The following TFPI variants were observed in gnomAD, a reference collection of about 807,000 sequenced individuals.
TFPI encodes the protein anti-convertin.
In TFPI, 15 loss-of-function variants were observed where a neutral mutation model predicts 34.6. That is an observed-to-expected ratio of 0.43 (90% CI 0.29 to 0.67). The LOEUF is 0.67. Ranked by LOEUF, TFPI falls within the 30% of genes least tolerant of loss-of-function variation. TFPI has a pLI of 0.15. For synonymous variants in TFPI, 105 were observed against 120.1 expected (o/e 0.87, Z 0.82); for missense variants, 301 against 364.0 (o/e 0.83, Z 1.41).
At chr2:187,495,632 A>C (rs754856409) in intron 3 of TFPI, among the ~76,000 whole-genome samples, 11 of 152,202 alleles carry the variant, frequency 7.2e-5, no homozygotes, top group Non-Finnish European at 4.4e-5. Context: ...AGAGGAGAGA[A>C]GTTCACTCTT....
intron 3 of TFPI, among the ~76,000 whole-genome samples, chr2:187,490,953 C>G (rs1160160552): frequency 6.6e-6 from 1 of 151,452 alleles, no homozygotes; most frequent in African/African-American, 2.4e-5. Flanking sequence ...AGTCTAGTGC[C>G]AAGTAATGTA....
At chr2:187,501,478 A>G (rs1349661921) in intron 2 of TFPI, among the ~76,000 whole-genome samples, 6 of 151,930 alleles carry the variant, frequency 3.9e-5, no homozygotes, top group African/African-American at 9.7e-5. Flanking sequence ...TAATTAAAGG[A>G]TTTTATTTTA....
At chr2:187,533,274 C>T (rs956730030) in intron 1 of TFPI, among the ~76,000 whole-genome samples, 2 of 152,152 alleles carry the variant, frequency 1.3e-5, no homozygotes, top group African/African-American at 2.4e-5. Context: ...GACTGGGAGA[C>T]ACCTCCCAGC....
At chr2:187,514,115 A>C (rs997247150) in intron 1 of TFPI, 1 of 152,206 alleles carries the variant, frequency 6.6e-6, no homozygotes, top group Non-Finnish European at 1.5e-5. Context: ...GACTTCCCCA[A>C]CCGGTTTTTG....
intron 6 of TFPI, among the ~76,000 whole-genome samples, chr2:187,477,367 G>A (rs1244778763): frequency 6.6e-6 from 1 of 152,178 alleles, no homozygotes; most frequent in African/African-American, 2.4e-5. Context: ...TAGATTATGA[G>A]GGATGTTCCT....
intron 1 of TFPI, among the ~76,000 whole-genome samples, chr2:187,538,995 G>A (rs1033093153): frequency 6.6e-6 from 1 of 152,024 alleles, no homozygotes; most frequent in Middle Eastern, 3.2e-3. Flanking sequence ...AATATATATT[G>A]AAAATTGTCA....
Position 187,504,020 on chromosome 2 carries a change from G to A in TFPI, c.-2-250C>T, listed in dbSNP as rs576882591. 6.6e-5 allele frequency among the ~76,000 whole-genome samples: 10 copies of A among 152,124 alleles called. No individual in the cohort carries two copies. The South Asian group carries it at 2.1e-3, about 32-fold the overall frequency. ...AGCAAACAGGTCATATTTCAACTTTGAAAATATAAATAAAAAGGACAGTAA... is the reference window on the plus strand; with the variant it reads ...AGCAAACAGGTCATATTTCAACTTTAAAAATATAAATAAAAAGGACAGTAA... On this transcript the variant is annotated intron_variant, in intron 1 of 7. Coordinates refer to ENST00000233156, the MANE Select transcript of TFPI (RefSeq NM_006287.6).
At chr2:187,507,362 C>G (rs1232952770) in intron 1 of TFPI, among the ~76,000 whole-genome samples, 1 of 152,012 alleles carries the variant, frequency 6.6e-6, no homozygotes, top group Non-Finnish European at 1.5e-5. Flanking sequence ...AGTGCCGTGA[C>G]AAACGTGTGA....
At chr2:187,540,630 T>A (rs1488751172) in intron 1 of TFPI, among the ~76,000 whole-genome samples, 4 of 152,118 alleles carry the variant, frequency 2.6e-5, no homozygotes, top group Non-Finnish European at 5.9e-5. Context: ...TGGCTCACGC[T>A]TGTAATCCCA....
rs555630815 is a variant in TFPI at position 187,477,325 on chromosome 2, A to G, written c.628+6799T>C. 1.6e-4 allele frequency among the ~76,000 whole-genome samples: 25 copies of G among 152,346 alleles called. 1 individual carries two copies. In the East Asian group the frequency reaches 4.6e-3, roughly 28 times the overall value. On this transcript the variant is annotated intron_variant, in intron 6 of 7. Coordinates refer to ENST00000233156, the MANE Select transcript of TFPI (RefSeq NM_006287.6). ...AGCCAACTTGTCAGAAAATCAGAAT[A>G]TGAGGCTCCAGATTTACTATGCAGG...
chr2:187,479,010 GGA>G (rs2105986000), intron 6 of TFPI, among the ~76,000 whole-genome samples: 1 of 152,010 alleles, frequency 6.6e-6, no homozygotes, highest in South Asian at 2.1e-4. Flanking sequence ...AGAAGCCAGG[GGA>G]GAGAGACAGA....
chr2:187,553,711 T>A (rs1424537660), intron 1 of TFPI, among the ~76,000 whole-genome samples: 2 of 152,172 alleles, frequency 1.3e-5, no homozygotes, highest in East Asian at 3.9e-4. Flanking sequence ...CATAAAATAT[T>A]CCATTTAGAT....
intron 3 of TFPI, among the ~76,000 whole-genome samples, chr2:187,489,236 G>C (rs1039106431): frequency 6.6e-6 from 1 of 151,380 alleles, no homozygotes; most frequent in African/African-American, 2.4e-5. Context: ...TGGGTTATAA[G>C]CCTCTTTCAG....
intron 1 of TFPI, among the ~76,000 whole-genome samples, chr2:187,539,173 T>C (rs1688437623): frequency 6.6e-6 from 1 of 152,134 alleles, no homozygotes; most frequent in South Asian, 2.1e-4. Flanking sequence ...AAGGGGCTGC[T>C]ACTGTGGACA....
At chr2:187,477,303 C>T (rs1047597717) in intron 6 of TFPI, among the ~76,000 whole-genome samples, 3 of 152,056 alleles carry the variant, frequency 2.0e-5, no homozygotes, top group African/African-American at 7.2e-5. Context: ...TTTGGAAAGC[C>T]AACTTGTCAG....
chr2:187,512,441 C>T (rs1266013297), intron 1 of TFPI, among the ~76,000 whole-genome samples: 1 of 151,298 alleles, frequency 6.6e-6, no homozygotes, highest in Non-Finnish European at 1.5e-5. Flanking sequence ...ATCTTAATTA[C>T]TATACAAAGG....
chr2:187,525,601 C>T (rs1435667610), intron 1 of TFPI, among the ~76,000 whole-genome samples: 1 of 152,058 alleles, frequency 6.6e-6, no homozygotes, highest in Non-Finnish European at 1.5e-5. Context: ...ACTCCCAGTA[C>T]TTCAGAATTC....
intron 3 of TFPI, among the ~76,000 whole-genome samples, chr2:187,494,480 G>T (rs8176462): frequency 0.014 from 2,168 of 152,240 alleles, 53 homozygotes; most frequent in African/African-American, 0.049. Context: ...TCTCCCAGAG[G>T]TCACAATCCT....
At chr2:187,474,143 A>G (rs1403307217) in intron 6 of TFPI, among the ~76,000 whole-genome samples, 1 of 152,204 alleles carries the variant, frequency 6.6e-6, no homozygotes. Context: ...TAAGATAATT[A>G]TATCTTATAA....
Sources: allele counts gnomAD v4.1 joint callset (sites outside exome capture counted in the v4.1 genomes callset), GRCh38; gene constraint gnomAD v4.1.1; transcripts MANE v1.5; gene names NCBI Gene and HGNC (gene_info 2026-07-23, HGNC 2026-07-21).